The following LAMA2 variants were observed in gnomAD, a reference collection of about 807,000 sequenced individuals.
LAMA2 encodes laminin subunit alpha-2.
Under a neutral mutation model 364.8 loss-of-function variants are expected in LAMA2, and 269 were observed. The ratio of observed to expected loss-of-function variants is 0.74; its 90% CI spans 0.67 to 0.82. LAMA2 has a LOEUF of 0.82. Ranked by LOEUF, LAMA2 falls within the 40% of genes least tolerant of loss-of-function variation. LAMA2 has a pLI of 0.00. For synonymous variants in LAMA2, 1,379 were observed against 1,370.6 expected, an observed-to-expected ratio of 1.01 and a Z score of -0.14; for missense variants, 3,807 against 3,873.2, an observed-to-expected ratio of 0.98 and a Z score of 0.45.
intron 4 of LAMA2, among the ~76,000 whole-genome samples, chr6:129,108,826 A>T (rs1478948040): frequency 1.3e-5 from 2 of 152,152 alleles, no homozygotes; most frequent in African/African-American, 4.8e-5. Flanking sequence ...ATATGAAATG[A>T]TTGACTAATG....
chr6:128,915,058 T>C (rs1778227237), intron 1 of LAMA2, among the ~76,000 whole-genome samples: 1 of 152,178 alleles, frequency 6.6e-6, no homozygotes, highest in Non-Finnish European at 1.5e-5. Context: ...AGCTTGTTGC[T>C]GGACCCTATT....
At chr6:129,419,874 A>AT (rs1780987261) in intron 40 of LAMA2, among the ~76,000 whole-genome samples, 1 of 152,028 alleles carries the variant, frequency 6.6e-6, no homozygotes, top group Non-Finnish European at 1.5e-5. Flanking sequence ...TTCTTGACTC[A>AT]TTTTTTACTC....
chr6:129,251,066 CTCTCTCTCTCTA>C (rs1445500951), intron 13 of LAMA2, among the ~76,000 whole-genome samples: 161 of 68,104 alleles, frequency 2.4e-3, no homozygotes, highest in African/African-American at 2.9e-3. Context: ...CTCTCTCTCT[CTCTCTCTCTCTA>C]TATATATATA....
chr6:129,443,105 C>T (rs1782200375), intron 44 of LAMA2, 37 bp downstream of exon 44: 1 of 1,538,848 alleles, frequency 6.5e-7, no homozygotes, highest in East Asian at 2.3e-5. Context: ...TTTAGTAACG[C>T]TCATGCTTCA....
At chr6:129,434,598 G>C (rs1339691087) in intron 41 of LAMA2, among the ~76,000 whole-genome samples, 1 of 152,018 alleles carries the variant, frequency 6.6e-6, no homozygotes. Flanking sequence ...AAATTCAGTT[G>C]GATTTTCTTT....
At chr6:129,426,433 T>C (rs891858733) in intron 40 of LAMA2, among the ~76,000 whole-genome samples, 1 of 152,106 alleles carries the variant, frequency 6.6e-6, no homozygotes, top group Admixed American at 6.6e-5. Flanking sequence ...TGAGTTAAAG[T>C]ACATTGCATC....
intron 1 of LAMA2, among the ~76,000 whole-genome samples, chr6:129,010,410 A>G (rs1466024810): frequency 6.6e-6 from 1 of 152,220 alleles, no homozygotes; most frequent in Non-Finnish European, 1.5e-5. Flanking sequence ...TGATCATTAG[A>G]ATTTCATATG....
chr6:129,504,396 A>T (rs1466254120), intron 60 of LAMA2, among the ~76,000 whole-genome samples: 1 of 152,186 alleles, frequency 6.6e-6, no homozygotes, highest in Non-Finnish European at 1.5e-5. Flanking sequence ...TTAATAACGG[A>T]TTTTATTTTT....
At position 129,177,809 on chromosome 6, in the gene LAMA2, C is replaced by A; in HGVS notation, c.1410C>A (p.Asn470Lys). The change falls in exon 10 of 65, where the codon AAC (asparagine) becomes AAA (lysine). Residue 470 changes from asparagine to lysine, a missense_variant. Transcript: ENST00000421865. ...YTGYPDCKAC[N>K]CSGLGSKNED... is the part of the protein sequence containing the mutation. Reference sequence around the variant, plus strand: ...GCTACCCGGACTGCAAAGCCTGTAACTGCAGTGGGTTAGGGAGCAAAAATG... The same window carrying A: ...GCTACCCGGACTGCAAAGCCTGTAAATGCAGTGGGTTAGGGAGCAAAAATG... 2 of 1,613,974 alleles carry A rather than the reference C, an allele frequency of 1.2e-6. No individual in the cohort carries two copies. The highest frequency in any genetic ancestry group is 1.7e-6 in the Non-Finnish European group (2 of 1,179,902).
chr6:128,914,676 A>T (rs571861122), intron 1 of LAMA2, among the ~76,000 whole-genome samples: 1 of 152,286 alleles, frequency 6.6e-6, no homozygotes, highest in Non-Finnish European at 1.5e-5. Context: ...ACCTCAATTT[A>T]GAAGAGTCTT....
At chr6:129,390,658 G>C (rs555712755) in intron 35 of LAMA2, among the ~76,000 whole-genome samples, 1 of 152,098 alleles carries the variant, frequency 6.6e-6, no homozygotes, top group African/African-American at 2.4e-5. Flanking sequence ...CACACTCCAG[G>C]AAACTTTAGT....
At chr6:129,085,028 T>C (rs1339302354) in intron 3 of LAMA2, among the ~76,000 whole-genome samples, 2 of 152,194 alleles carry the variant, frequency 1.3e-5, no homozygotes, top group Non-Finnish European at 2.9e-5. Context: ...TAAGTAATTG[T>C]AGTCAGACAG....
At chr6:129,059,202 C>G (rs12209961) in intron 2 of LAMA2, among the ~76,000 whole-genome samples, 1 of 152,174 alleles carries the variant, frequency 6.6e-6, no homozygotes, top group Non-Finnish European at 1.5e-5. Flanking sequence ...AATCAGCATA[C>G]CAGCATGCTA....
chr6:129,132,941 G>T (rs1369063533), intron 4 of LAMA2, among the ~76,000 whole-genome samples: 2 of 152,236 alleles, frequency 1.3e-5, no homozygotes, highest in Admixed American at 6.5e-5. Flanking sequence ...GCCAGAATTT[G>T]AACACAAGCA....
intron 1 of LAMA2, among the ~76,000 whole-genome samples, chr6:128,973,626 C>T (rs1432409271): frequency 6.6e-6 from 1 of 152,104 alleles, no homozygotes; most frequent in Non-Finnish European, 1.5e-5. Flanking sequence ...TGTCCTTAGG[C>T]AGTGTTAATT....
At chr6:128,962,633 G>A (rs1781606577) in intron 1 of LAMA2, among the ~76,000 whole-genome samples, 1 of 152,074 alleles carries the variant, frequency 6.6e-6, no homozygotes, top group African/African-American at 2.4e-5. Context: ...TGCTCATTAG[G>A]CATGTGCTTA....
chr6:128,928,029 A>G (rs1037722854), intron 1 of LAMA2, among the ~76,000 whole-genome samples: 5 of 152,196 alleles, frequency 3.3e-5, no homozygotes, highest in Non-Finnish European at 7.3e-5. Flanking sequence ...TGGGACAGGC[A>G]ATGGGGAGTT....
At chr6:129,403,195 T>G (rs867901201) in intron 39 of LAMA2, among the ~76,000 whole-genome samples, 47 of 152,222 alleles carry the variant, frequency 3.1e-4, no homozygotes, top group African/African-American at 1.1e-3. Flanking sequence ...GTTCTCATAC[T>G]TAATACTTAC....
At chr6:129,007,861 T>C (rs10214572) in intron 1 of LAMA2, among the ~76,000 whole-genome samples, 21,111 of 152,160 alleles carry the variant, frequency 0.14, 1,581 homozygotes, top group Middle Eastern at 0.21. Flanking sequence ...TAGTTTGTCT[T>C]TGGGGTGTAC....
Sources: allele counts gnomAD v4.1 joint callset (sites outside exome capture counted in the v4.1 genomes callset), GRCh38; gene constraint gnomAD v4.1.1; transcripts MANE v1.5; gene names NCBI Gene and HGNC (gene_info 2026-07-23, HGNC 2026-07-21).